The following OR4D5 variants were observed in gnomAD, a reference collection of about 807,000 sequenced individuals.
The protein encoded by OR4D5 is olfactory receptor family 4 subfamily D member 5.
For missense variants in OR4D5, 390 were observed against 387.6 expected, an observed-to-expected ratio of 1.01 and a Z score of -0.05; for synonymous variants, 165 against 154.0, an observed-to-expected ratio of 1.07 and a Z score of -0.53.
At position 123,939,874 on chromosome 11, in the gene OR4D5, C is replaced by T. The variant is rs1249406953; in HGVS notation, c.258C>T (p.Leu86=). 1.2e-6 allele frequency: 2 copies of T among 1,610,272 alleles called. No individual in the cohort carries two copies. Among genetic ancestry groups the T allele is most frequent in the African/African-American group, 2.7e-5 (2 of 74,996 alleles). The part of the protein sequence containing the change: ...ITAPRMLVDL[L]SGNPTISFGG... ...CACCTAGGATGCTGGTTGACTTGCT[C>T]TCAGGCAACCCTACCATTTCCTTTG... Residue 86 remains leucine (L), a synonymous_variant, in exon 1 of 1, where the codon CTC becomes CTT. Coordinates refer to ENST00000307033, the MANE Select transcript of OR4D5 (RefSeq NM_001001965.1).
rs758981994 is a variant in OR4D5 at position 123,939,899 on chromosome 11, G to T, written c.283G>T (p.Gly95Cys). ...LLSGNPTISF[G>C]GCLTQLFFFH... is the part of the protein sequence containing the mutation. ...CTCAGGCAACCCTACCATTTCCTTT[G>T]GTGGATGCCTGACTCAACTCTTCTT... Residue 95 changes from glycine (G) to cysteine (C), a missense_variant, in exon 1 of 1, where the codon GGT becomes TGT. Transcript: ENST00000307033. 4.3e-6 allele frequency: 7 copies of T among 1,613,068 alleles called. No homozygotes were observed. Among genetic ancestry groups the T allele is most frequent in the Non-Finnish European group, 5.9e-6 (7 of 1,179,540 alleles).
chr11:123,939,679 G>A lies in OR4D5; in HGVS notation c.63G>A (p.Trp21Ter). Residue 21 changes from tryptophan to a stop codon, truncating the protein, a stop_gained, in exon 1 of 1, where the codon TGG (tryptophan) becomes TGA (stop). Transcript: ENST00000307033. LOFTEE classifies it low-confidence loss of function (END_TRUNC). Reference protein sequence around the residue: ...GFVLLGLSQVWELRFVFFTVF... With the variant: ...GFVLLGLSQV ...TTCTACTGGGGCTCTCTCAGGTTTG[G>A]GAGCTTCGGTTTGTTTTCTTCACTG... 1 of 1,609,672 alleles carries A rather than the reference G, an allele frequency of 6.2e-7. No individual in the cohort carries two copies. The highest frequency in any genetic ancestry group is 8.5e-7 in the Non-Finnish European group (1 of 1,177,834).
In OR4D5 at chr11:123,940,502, A is replaced by C; in HGVS notation, c.886A>C (p.Met296Leu). 1 of 1,614,158 alleles carries C rather than the reference A, an allele frequency of 6.2e-7. No homozygotes were observed. The highest frequency in any genetic ancestry group is 8.5e-7 in the Non-Finnish European group (1 of 1,179,994). ...TACCCTGAGAAACAAGGAAGTGATC[A>C]TGGCCATGAAGAAGCTGTGGAGGAG... ...IYTLRNKEVI[M>L]AMKKLWRRKK... Residue 296 changes from methionine to leucine, a missense_variant, in exon 1 of 1, where the codon ATG becomes CTG. Physicochemically the swap from Met to Leu is conservative, Grantham distance 15. Transcript: ENST00000307033.
Position 123,939,644 on chromosome 11 carries a change from G to T in OR4D5, c.28G>T (p.Ala10Ser). The T allele has an allele frequency of 1.3e-6, 2 of 1,583,064 alleles. No individual in the cohort carries two copies. Among genetic ancestry groups the T allele is most frequent in the Non-Finnish European group, 1.7e-6 (2 of 1,167,718 alleles). The change falls in exon 1 of 1, where the codon GCA becomes TCA. Residue 10 changes from alanine to serine, a missense_variant. Ala to Ser is a moderately conservative substitution (Grantham distance 99). Transcript: ENST00000307033. MNPANHSQV[A>S]GFVLLGLSQV... The stretch of plus-strand genomic sequence containing the variant: ...GAATCCAGCAAATCATTCCCAGGTG[G>T]CAGGATTTGTTCTACTGGGGCTCTC...
chr11:123,939,974 T>G lies in OR4D5; in HGVS notation c.358T>G (p.Tyr120Asp). 6.2e-7 allele frequency: 1 copy of G among 1,613,264 alleles called. No individual in the cohort carries two copies. The highest frequency in any genetic ancestry group is 1.7e-5 in the Admixed American group (1 of 59,988). ...IKIFLLTVMA[Y>D]DRYIAISQPL... is the part of the protein sequence containing the mutation. ...GATCTTCCTGCTGACTGTCATGGCG[T>G]ATGACCGCTACATTGCCATTTCCCA... Residue 120 changes from tyrosine (Y) to aspartate (D), a missense_variant, in exon 1 of 1, where the codon TAT (tyrosine) becomes GAT (aspartate). Tyr to Asp is a radical substitution (Grantham distance 160). Coordinates refer to ENST00000307033, the MANE Select transcript of OR4D5 (RefSeq NM_001001965.1).
Position 123,939,736 on chromosome 11 carries a change from G to A in OR4D5, c.120G>A (p.Val40=). The part of the protein sequence containing the change: ...VFSAVYFMTV[V]GNLLIVVIVT... ...CTGCTGTGTATTTTATGACTGTAGT[G>A]GGAAACCTTCTTATTGTGGTCATAG... The change falls in exon 1 of 1, where the codon GTG becomes GTA. Residue 40 remains valine, a synonymous_variant. Transcript: ENST00000307033. The A allele has an allele frequency of 6.2e-7, 1 of 1,613,986 alleles. No homozygotes were observed. Among genetic ancestry groups the A allele is most frequent in the Non-Finnish European group, 8.5e-7 (1 of 1,179,928 alleles).
In OR4D5 at chr11:123,940,277, CT is replaced by C. The variant is rs749370724; in HGVS notation, c.662del (p.Leu221ArgfsTer2). On this transcript the variant is annotated frameshift_variant, in exon 1 of 1. Transcript: ENST00000307033. LOFTEE classifies it low-confidence loss of function (END_TRUNC). ...FLVLLGSYTA[L>X]LVMLRSHSRE... ...GGTGCTTCTGGGATCGTACACAGCA[CT>C]GCTAGTCATGCTCCGAAGCCACTCA... 1.2e-6 allele frequency: 2 copies of C among 1,614,226 alleles called. No individual in the cohort carries two copies. Among genetic ancestry groups the C allele is most frequent in the South Asian group, 2.2e-5 (2 of 91,090 alleles).
chr11:123,940,086 T>TAGTAC lies in OR4D5; in HGVS notation c.473_477dup (p.Ile160TyrfsTer5). The TAGTAC allele has an allele frequency of 6.2e-7, 1 of 1,614,168 alleles. No individual in the cohort carries two copies. The highest frequency in any genetic ancestry group is 8.5e-7 in the Non-Finnish European group (1 of 1,180,022). On this transcript the variant is annotated frameshift_variant, in exon 1 of 1. Coordinates refer to ENST00000307033, the MANE Select transcript of OR4D5 (RefSeq NM_001001965.1). LOFTEE classifies it low-confidence loss of function (END_TRUNC). Reference sequence around the variant, plus strand: ...TGGGTGGGGGGCTTCATCCACTCCATAGTACAGATTGCATTGACTATCCAG... The same window carrying TAGTAC: ...TGGGTGGGGGGCTTCATCCACTCCATAGTACAGTACAGATTGCATTGACTATCCAG...
rs564572858 is a variant in OR4D5 at position 123,940,427 on chromosome 11, G to A, written c.811G>A (p.Val271Ile). ...PFRTFPMDKAVSVLYTIVTPM... is the reference protein window; with the variant it reads ...PFRTFPMDKAISVLYTIVTPM... ...TCGGACATTCCCCATGGACAAGGCC[G>A]TCTCTGTGCTATACACAATTGTCAC... Residue 271 changes from valine (V) to isoleucine (I), a missense_variant, in exon 1 of 1, where the codon GTC becomes ATC. Transcript: ENST00000307033. 110 of 1,614,080 alleles carry A rather than the reference G, an allele frequency of 6.8e-5. 1 individual carries two copies. In the South Asian group the frequency reaches 8.6e-4, roughly 13 times the overall value.
At position 123,939,937 on chromosome 11, in the gene OR4D5, T is replaced by C. The variant is rs1200121178; in HGVS notation, c.321T>C (p.Ile107=). The change falls in exon 1 of 1, where the codon ATT becomes ATC. Residue 107 remains isoleucine (I), a synonymous_variant. Transcript: ENST00000307033. The stretch of plus-strand genomic sequence containing the variant: ...CTCAACTCTTCTTCTTCCACTTCAT[T>C]GGAGGCATCAAGATCTTCCTGCTGA... The part of the protein sequence containing the change: ...CLTQLFFFHF[I]GGIKIFLLTV... 6.2e-7 allele frequency: 1 copy of C among 1,613,786 alleles called. No individual in the cohort carries two copies. The highest frequency in any genetic ancestry group is 2.2e-5 in the East Asian group (1 of 44,878).
chr11:123,939,660 T>G lies in OR4D5; in HGVS notation c.44T>G (p.Leu15Arg), dbSNP rs1016732969. ...NHSQVAGFVLLGLSQVWELRF... is the reference protein window; with the variant it reads ...NHSQVAGFVLRGLSQVWELRF... ...TCCCAGGTGGCAGGATTTGTTCTAC[T>G]GGGGCTCTCTCAGGTTTGGGAGCTT... The change falls in exon 1 of 1, where the codon CTG becomes CGG. Residue 15 changes from leucine (L) to arginine (R), a missense_variant. Leu to Arg is a moderately radical substitution (Grantham distance 102, BLOSUM62 -2). Transcript: ENST00000307033. 4 of 1,602,194 alleles carry G rather than the reference T, an allele frequency of 2.5e-6. No individual in the cohort carries two copies. The highest frequency in any genetic ancestry group is 1.7e-4 in the Middle Eastern group (1 of 5,990).
At position 123,940,469 on chromosome 11, in the gene OR4D5, G is replaced by A. The variant is rs748616189; in HGVS notation, c.853G>A (p.Ala285Thr). The A allele has an allele frequency of 3.1e-6, 5 of 1,613,974 alleles. No homozygotes were observed. The highest frequency in any genetic ancestry group is 4.2e-6 in the Non-Finnish European group (5 of 1,180,006). The part of the protein sequence containing the change: ...YTIVTPMLNP[A>T]IYTLRNKEVI... ...AATTGTCACCCCCATGCTGAATCCT[G>A]CCATCTATACCCTGAGAAACAAGGA... Residue 285 changes from alanine to threonine, a missense_variant, in exon 1 of 1, where the codon GCC (alanine) becomes ACC (threonine). Physicochemically the swap from Ala to Thr is moderately conservative, Grantham distance 58. Transcript: ENST00000307033.
rs773864362 is a variant in OR4D5 at position 123,940,480 on chromosome 11, C to G, written c.864C>G (p.Thr288=). 10 of 1,613,912 alleles carry G rather than the reference C, an allele frequency of 6.2e-6. No individual in the cohort carries two copies. The highest frequency in any genetic ancestry group is 1.7e-5 in the Admixed American group (1 of 59,992). ...VTPMLNPAIY[T]LRNKEVIMAM... The stretch of plus-strand genomic sequence containing the variant: ...CCATGCTGAATCCTGCCATCTATAC[C>G]CTGAGAAACAAGGAAGTGATCATGG... Residue 288 remains threonine, a synonymous_variant, in exon 1 of 1, where the codon ACC becomes ACG. Coordinates refer to ENST00000307033, the MANE Select transcript of OR4D5 (RefSeq NM_001001965.1).
In OR4D5 at chr11:123,939,936, T is replaced by C. The variant is rs775490170; in HGVS notation, c.320T>C (p.Ile107Thr). Residue 107 changes from isoleucine to threonine, a missense_variant, in exon 1 of 1, where the codon ATT (isoleucine) becomes ACT (threonine). Coordinates refer to ENST00000307033, the MANE Select transcript of OR4D5 (RefSeq NM_001001965.1). The part of the protein sequence containing the change: ...CLTQLFFFHF[I>T]GGIKIFLLTV... Reference sequence around the variant, plus strand: ...ACTCAACTCTTCTTCTTCCACTTCATTGGAGGCATCAAGATCTTCCTGCTG... The same window carrying C: ...ACTCAACTCTTCTTCTTCCACTTCACTGGAGGCATCAAGATCTTCCTGCTG... 22 of 1,613,684 alleles carry C rather than the reference T, an allele frequency of 1.4e-5. No individual in the cohort carries two copies. Among genetic ancestry groups the C allele is most frequent in the African/African-American group, 6.7e-5 (5 of 74,934 alleles).
Position 123,940,020 on chromosome 11 carries a change from T to C in OR4D5, c.404T>C (p.Ile135Thr), listed in dbSNP as rs199580653. ...AISQPLHYTLIMNQTVCALLM... is the reference protein window; with the variant it reads ...AISQPLHYTLTMNQTVCALLM... ...TCCCAGCCCCTGCACTACACGCTCA[T>C]TATGAATCAGACTGTCTGTGCACTC... The change falls in exon 1 of 1, where the codon ATT becomes ACT. Residue 135 changes from isoleucine to threonine, a missense_variant. Ile to Thr is a moderately conservative substitution (Grantham distance 89, BLOSUM62 -1). Transcript: ENST00000307033. 2 of 1,613,660 alleles carry C rather than the reference T, an allele frequency of 1.2e-6. No homozygotes were observed. Among genetic ancestry groups the C allele is most frequent in the East Asian group, 4.5e-5 (2 of 44,854 alleles).
At position 123,939,872 on chromosome 11, in the gene OR4D5, C is replaced by G. The variant is rs200110526; in HGVS notation, c.256C>G (p.Leu86Val). ...AGCACCTAGGATGCTGGTTGACTTG[C>G]TCTCAGGCAACCCTACCATTTCCTT... ...ITAPRMLVDL[L>V]SGNPTISFGG... The change falls in exon 1 of 1, where the codon CTC becomes GTC. Residue 86 changes from leucine to valine, a missense_variant. Leu to Val is a conservative substitution (Grantham distance 32). Coordinates refer to ENST00000307033, the MANE Select transcript of OR4D5 (RefSeq NM_001001965.1). 1.7e-5 allele frequency: 28 copies of G among 1,609,972 alleles called. No individual in the cohort carries two copies. The highest frequency in any genetic ancestry group is 2.7e-5 in the African/African-American group (2 of 74,892).
At position 123,939,916 on chromosome 11, in the gene OR4D5, ACTC is replaced by A. The variant is rs1565575641; in HGVS notation, c.301_303del (p.Leu101del). Reference sequence around the variant, plus strand: ...TTTCCTTTGGTGGATGCCTGACTCAACTCTTCTTCTTCCACTTCATTGGAGGCA... The same window carrying A: ...TTTCCTTTGGTGGATGCCTGACTCAATTCTTCTTCCACTTCATTGGAGGCA... On this transcript the variant is annotated inframe_deletion, in exon 1 of 1. Transcript: ENST00000307033. 4 of 1,613,042 alleles carry A rather than the reference ACTC, an allele frequency of 2.5e-6. No individual in the cohort carries two copies. The highest frequency in any genetic ancestry group is 3.4e-6 in the Non-Finnish European group (4 of 1,179,644).
chr11:123,940,350 C>T lies in OR4D5; in HGVS notation c.734C>T (p.Ala245Val). ...KALSTCASHI[A>V]VVTLIFVPCI... ...CTGTCTACCTGTGCCTCTCACATTG[C>T]TGTGGTGACCTTAATCTTTGTGCCT... The change falls in exon 1 of 1, where the codon GCT (alanine) becomes GTT (valine). Residue 245 changes from alanine (A) to valine (V), a missense_variant. Transcript: ENST00000307033. 6.2e-7 allele frequency: 1 copy of T among 1,614,198 alleles called. No homozygotes were observed. Among genetic ancestry groups the T allele is most frequent in the Non-Finnish European group, 8.5e-7 (1 of 1,180,030 alleles).
chr11:123,940,557 A>G lies in OR4D5; in HGVS notation c.941A>G (p.His314Arg). 1.2e-6 allele frequency: 2 copies of G among 1,600,852 alleles called. No individual in the cohort carries two copies. The highest frequency in any genetic ancestry group is 1.3e-5 in the African/African-American group (1 of 74,616). The change falls in exon 1 of 1, where the codon CAC (histidine) becomes CGC (arginine). Residue 314 changes from histidine to arginine, a missense_variant. Coordinates refer to ENST00000307033, the MANE Select transcript of OR4D5 (RefSeq NM_001001965.1). ...RKKDPIGPLE[H>R]RPLH Reference sequence around the variant, plus strand: ...AAGGACCCTATTGGTCCCCTGGAGCACAGACCCTTACATTAGCAGAGGCAG... The same window carrying G: ...AAGGACCCTATTGGTCCCCTGGAGCGCAGACCCTTACATTAGCAGAGGCAG...
Sources: gnomAD v4.1 joint callset for allele counts on GRCh38, gnomAD v4.1.1 for gene constraint, MANE v1.5 for transcripts, NCBI Gene and HGNC (gene_info 2026-07-23, HGNC 2026-07-21) for gene names.